The following CCDC141 variants were observed in gnomAD, a reference collection of about 807,000 sequenced individuals.
The protein encoded by CCDC141 is coiled-coil domain containing 141, also known as coiled-coil domain-containing protein 141.
In CCDC141, 168 loss-of-function variants were observed where a neutral mutation model predicts 181.0. The ratio of observed to expected loss-of-function variants is 0.93; its 90% CI spans 0.82 to 1.05. The LOEUF (loss-of-function observed/expected upper bound fraction) is 1.05. CCDC141 is among the 50% of genes least tolerant of loss of function. The probability of loss-of-function intolerance (pLI) is 0.00; values close to 1 mark genes in which losing one functional copy is unlikely to be tolerated. For missense variants in CCDC141, 1,902 were observed against 1,788.5 expected, an observed-to-expected ratio of 1.06 and a Z score of -1.14; for synonymous variants, 666 against 642.3, an observed-to-expected ratio of 1.04 and a Z score of -0.56.
At chr2:178,990,240 A>G (rs549439964) in intron 2 of CCDC141, among the ~76,000 whole-genome samples, 1 of 143,832 alleles carries the variant, frequency 7.0e-6, no homozygotes, top group African/African-American at 2.5e-5. Context: ...ATAATATAAA[A>G]TGGTACAGCT....
intron 2 of CCDC141, among the ~76,000 whole-genome samples, chr2:178,984,463 C>T (rs564922972): frequency 1.3e-5 from 2 of 151,848 alleles, no homozygotes; most frequent in African/African-American, 4.8e-5. Flanking sequence ...TCACACATAA[C>T]ACTACTAACT....
chr2:178,865,759 A>G lies in CCDC141; in HGVS notation c.2724+8T>C. Reference sequence around the variant, plus strand: ...CAATGTGCCAGTTCTCACCCCTCCCACACCCACCTCATTTATCTCGTCTCT... The same window carrying G: ...CAATGTGCCAGTTCTCACCCCTCCCGCACCCACCTCATTTATCTCGTCTCT... On this transcript the variant is annotated splice_region_variant and intron_variant, in intron 17 of 23. Transcript: ENST00000443758. The G allele has an allele frequency of 2.7e-6, 4 of 1,485,546 alleles. No individual in the cohort carries two copies. Among genetic ancestry groups the G allele is most frequent in the Non-Finnish European group, 3.6e-6 (4 of 1,113,312 alleles). The allele number at this position is 1,485,546 out of a possible 1,614,324, so 92.0% of individuals were successfully genotyped here. A position where few individuals can be genotyped will look rare whatever the true frequency, so the allele number is the denominator to read the frequency against.
Position 178,855,349 on chromosome 2 carries a change from C to T in CCDC141, c.3058G>A (p.Glu1020Lys), listed in dbSNP as rs771630771. ...LTEHFQEVIE[E>K]CHFWYEDASA... ...ATACCACTGCAAAAAGAGAATACCTCTTCTATCACCTCCTGGAAATGCTCA... is the reference window on the plus strand; with the variant it reads ...ATACCACTGCAAAAAGAGAATACCTTTTCTATCACCTCCTGGAAATGCTCA... Residue 1020 changes from glutamate to lysine, a missense_variant and splice_region_variant, in exon 19 of 24, where the codon GAG becomes AAG. By Grantham distance (56) the Glu-to-Lys change is moderately conservative. Transcript: ENST00000443758. 6.2e-7 allele frequency: 1 copy of T among 1,606,254 alleles called. No homozygotes were observed. The highest frequency in any genetic ancestry group is 8.5e-7 in the Non-Finnish European group (1 of 1,177,728).
At chr2:178,874,331 G>C (rs916943295) in intron 12 of CCDC141, 4 of 152,158 alleles carry the variant, frequency 2.6e-5, no homozygotes, top group African/African-American at 9.7e-5. Flanking sequence ...TTAGGGTAGA[G>C]TGACCGTGTT....
At chr2:178,821,549 A>G in the CCDC141 span, among the ~76,000 whole-genome samples, 7 of 152,346 alleles carry the variant, frequency 4.6e-5, no homozygotes, top group East Asian at 1.4e-3. Context: ...ATTTTGCACC[A>G]TAATTCACAG....
chr2:178,817,085 T>A, the CCDC141 span, among the ~76,000 whole-genome samples: 3 of 152,348 alleles, frequency 2.0e-5, no homozygotes, highest in East Asian at 5.8e-4. Flanking sequence ...GGGTTATGGA[T>A]ACTTCCACAT....
At chr2:179,010,486 G>A (rs1187695495) in intron 2 of CCDC141, among the ~76,000 whole-genome samples, 1 of 152,130 alleles carries the variant, frequency 6.6e-6, no homozygotes, top group Non-Finnish European at 1.5e-5. Context: ...AGGGATTGGG[G>A]TCCTGTCTTC....
intron 2 of CCDC141, among the ~76,000 whole-genome samples, chr2:179,000,531 T>C (rs2041938402): frequency 6.6e-6 from 1 of 152,182 alleles, no homozygotes; most frequent in Non-Finnish European, 1.5e-5. Context: ...AAAATAGTAT[T>C]ATGAGTCCTT....
At position 178,868,189 on chromosome 2, in the gene CCDC141, T is replaced by G. The variant is rs148275217; in HGVS notation, c.2411A>C (p.Lys804Thr). The G allele has an allele frequency of 3.7e-6, 6 of 1,609,868 alleles. No homozygotes were observed. Among genetic ancestry groups the G allele is most frequent in the South Asian group, 1.1e-5 (1 of 90,946 alleles). ...QVKEELGRLI[K>T]SRELEFVEQP... ...CTCTACAAACTCCAGCTCTCTTGAT[T>G]TGATGAGACGTCCCAGCTACAATTT... The change falls in exon 16 of 24, where the codon AAA becomes ACA. Residue 804 changes from lysine (K) to threonine (T), a missense_variant. Coordinates refer to ENST00000443758, the MANE Select transcript of CCDC141 (RefSeq NM_173648.4).
chr2:178,855,620 A>C (rs1334609704), intron 18 of CCDC141, 79 bp from the exon 19 acceptor site: 1 of 965,478 alleles, frequency 1.0e-6, no homozygotes, highest in African/African-American at 1.7e-5. Flanking sequence ...TGAGAGAAAA[A>C]CTGGTAAAAA....
intron 2 of CCDC141, among the ~76,000 whole-genome samples, chr2:179,016,987 TTTC>T (rs1438306995): frequency 2.0e-5 from 3 of 152,110 alleles, no homozygotes; most frequent in Non-Finnish European, 2.9e-5. Context: ...GTTTTTTCTT[TTTC>T]TTCTTATTTT....
chr2:178,816,368 C>T, the CCDC141 span, among the ~76,000 whole-genome samples: 1 of 152,156 alleles, frequency 6.6e-6, no homozygotes, highest in Non-Finnish European at 1.5e-5. Context: ...TCTTTCCATG[C>T]CTTAGTCGTG....
intron 6 of CCDC141, among the ~76,000 whole-genome samples, chr2:178,928,326 C>T (rs75314634): frequency 0.018 from 2,744 of 152,112 alleles, 80 homozygotes; most frequent in East Asian, 0.13. Context: ...TCAAGGACAG[C>T]GAAGGCTAGG....
At chr2:179,007,864 T>G (rs759538159) in intron 2 of CCDC141, among the ~76,000 whole-genome samples, 8 of 152,246 alleles carry the variant, frequency 5.3e-5, no homozygotes, top group Non-Finnish European at 1.0e-4. Flanking sequence ...TATGTCTGAA[T>G]TAACTACCAA....
At chr2:178,859,372 A>G (rs534056713) in intron 17 of CCDC141, among the ~76,000 whole-genome samples, 1 of 152,316 alleles carries the variant, frequency 6.6e-6, no homozygotes, top group East Asian at 1.9e-4. Flanking sequence ...TTTTTAAAGG[A>G]ACTGAGTGCC....
the CCDC141 span, among the ~76,000 whole-genome samples, chr2:178,820,887 A>T: frequency 6.6e-6 from 1 of 152,172 alleles, no homozygotes; most frequent in East Asian, 1.9e-4. Flanking sequence ...CTACAGTCTT[A>T]TAAGGGTATC....
At chr2:178,850,594 C>G (rs1465862562) in intron 20 of CCDC141, among the ~76,000 whole-genome samples, 1 of 54,610 alleles carries the variant, frequency 1.8e-5, no homozygotes, top group Non-Finnish European at 4.0e-5. Context: ...CAAATGGAAC[C>G]AGCAACTCCT....
intron 4 of CCDC141, among the ~76,000 whole-genome samples, chr2:178,969,911 T>C (rs370630860): frequency 6.6e-6 from 1 of 152,136 alleles, no homozygotes; most frequent in Admixed American, 6.5e-5. Flanking sequence ...TAAGCTGATA[T>C]GCAACTTCAG....
At chr2:179,046,625 C>A (rs144146945) in intron 2 of CCDC141, among the ~76,000 whole-genome samples, 84 of 152,322 alleles carry the variant, frequency 5.5e-4, no homozygotes, top group African/African-American at 1.8e-3. Flanking sequence ...ATAAAAAACA[C>A]CATGATGGGT....
Sources: allele counts gnomAD v4.1 joint callset (sites outside exome capture counted in the v4.1 genomes callset), GRCh38; gene constraint gnomAD v4.1.1; transcripts MANE v1.5; gene names NCBI Gene and HGNC (gene_info 2026-07-23, HGNC 2026-07-21).